Variants in RASGRP3 observed in about 807,000 individuals in gnomAD.
RASGRP3 encodes the protein RAS guanyl releasing protein 3, also known as ras guanyl-releasing protein 3.
In RASGRP3, 54 loss-of-function variants were observed where a neutral mutation model predicts 82.7. That is an observed-to-expected ratio of 0.65 (90% CI 0.52 to 0.82). The LOEUF (loss-of-function observed/expected upper bound fraction) is 0.82, where lower values mean the gene tolerates loss of function less well. Ranked by LOEUF, RASGRP3 falls within the 40% of genes least tolerant of loss-of-function variation. The pLI is 0.00. For synonymous variants in RASGRP3, 309 were observed against 300.5 expected (o/e 1.03, Z -0.29); for missense variants, 861 against 828.9 (o/e 1.04, Z -0.48).
In RASGRP3 at chr2:33,527,415, G is replaced by T; in HGVS notation, c.1083+3G>T. On this transcript the variant is annotated splice_donor_region_variant and intron_variant, in intron 10 of 17. Transcript: ENST00000403687. Reference sequence around the variant, plus strand: ...TGGATTTGATCAACCTGCTCACGGTGAGTTCCAAGGAGCCAAGTTTGGGCT... The same window carrying T: ...TGGATTTGATCAACCTGCTCACGGTTAGTTCCAAGGAGCCAAGTTTGGGCT... The T allele has an allele frequency of 6.2e-7, 1 of 1,605,064 alleles. No homozygotes were observed. Among genetic ancestry groups the T allele is most frequent in the South Asian group, 1.1e-5 (1 of 90,540 alleles).
intron 1 of RASGRP3, among the ~76,000 whole-genome samples, chr2:33,485,739 C>T (rs951338177): frequency 5.9e-5 from 9 of 152,160 alleles, no homozygotes; most frequent in African/African-American, 1.7e-4. Context: ...TAAAATATCT[C>T]GTGCTATTTT....
At chr2:33,459,838 C>T (rs1005210082) in intron 2 of RASGRP3, among the ~76,000 whole-genome samples, 6 of 152,144 alleles carry the variant, frequency 3.9e-5, no homozygotes, top group African/African-American at 1.4e-4. Flanking sequence ...TTGACTGGAA[C>T]AAGCAATAAA....
rs868603453 is a variant in RASGRP3, at chr2:33,556,522, C to T, written c.1579+955C>T. On this transcript the variant is annotated intron_variant, in intron 15 of 17. Transcript: ENST00000403687. Reference sequence around the variant, plus strand: ...TCGGCCTCCCAAAGTGCTGGGATTACAGGCGTGAGCCACCGCGCCCGGCCT... The same window carrying T: ...TCGGCCTCCCAAAGTGCTGGGATTATAGGCGTGAGCCACCGCGCCCGGCCT... 3.5e-4 allele frequency among the ~76,000 whole-genome samples: 31 copies of T among 88,578 alleles called. 6 individuals carry two copies. Among genetic ancestry groups the T allele is most frequent in the Middle Eastern group, 9.3e-3 (2 of 216 alleles). The allele number at this position is 88,578 out of a possible 152,430, so 58.1% of individuals were successfully genotyped here.
intron 9 of RASGRP3, 103 bp from the exon 10 acceptor site, chr2:33,527,034 C>A: frequency 1.6e-6 from 2 of 1,238,522 alleles, no homozygotes; most frequent in Non-Finnish European, 2.2e-6. Context: ...GCAAGTGATA[C>A]TTTTCTCAGT....
chr2:33,496,248 G>C (rs74754535), intron 1 of RASGRP3, among the ~76,000 whole-genome samples: 3,429 of 152,290 alleles, frequency 0.023, 117 homozygotes, highest in East Asian at 0.13. Flanking sequence ...AGAGAAAAAA[G>C]TTTAAAAAGC....
At chr2:33,444,250 G>C (rs1186632489) in intron 1 of RASGRP3, among the ~76,000 whole-genome samples, 1 of 151,894 alleles carries the variant, frequency 6.6e-6, no homozygotes, top group East Asian at 1.9e-4. Flanking sequence ...AGGATGCAGT[G>C]AACTATGATT....
intron 14 of RASGRP3, among the ~76,000 whole-genome samples, chr2:33,551,470 T>C (rs1356857583): frequency 1.3e-5 from 2 of 152,010 alleles, no homozygotes; most frequent in Non-Finnish European, 2.9e-5. Flanking sequence ...TGCTGGGCCA[T>C]GGTATGGCTC....
intron 1 of RASGRP3, among the ~76,000 whole-genome samples, chr2:33,480,910 C>T (rs955359672): frequency 6.6e-6 from 1 of 152,084 alleles, no homozygotes; most frequent in African/African-American, 2.4e-5. Context: ...TCTTTGAGCT[C>T]ATCTTTGGTA....
At chr2:33,507,521 G>C (rs1274497868) in intron 1 of RASGRP3, among the ~76,000 whole-genome samples, 1 of 152,136 alleles carries the variant, frequency 6.6e-6, no homozygotes, top group Non-Finnish European at 1.5e-5. Context: ...CAAGTCAAAG[G>C]ATGGGAGAGA....
intron 2 of RASGRP3, among the ~76,000 whole-genome samples, chr2:33,464,118 T>TTATTATTATTA (rs1666545281): frequency 2.1e-5 from 3 of 146,176 alleles, no homozygotes; most frequent in African/African-American, 7.5e-5. Context: ...ATAATTATTA[T>TTATTATTATTA]TATTATTATT....
At chr2:33,451,034 G>T (rs1371320955) in intron 2 of RASGRP3, among the ~76,000 whole-genome samples, 1 of 150,482 alleles carries the variant, frequency 6.6e-6, no homozygotes, top group Non-Finnish European at 1.5e-5. Flanking sequence ...GTAGAGACAG[G>T]GCTTCACCGT....
rs527359708 is a variant in RASGRP3, at chr2:33,454,208, GTCT to G, written c.-261+6275_-261+6277del. 7.2e-4 allele frequency among the ~76,000 whole-genome samples: 110 copies of G among 151,978 alleles called. 1 individual carries two copies. Among genetic ancestry groups the G allele is most frequent in the Admixed American group, 2.1e-3 (32 of 15,256 alleles). ...GGATTGAAATGGCTGTATTTTCACT[GTCT>G]TCTTCTTCTACTTTTTAAGTAAAGT... On this transcript the variant is annotated intron_variant, in intron 2 of 18. Coordinates refer to the RASGRP3 transcript ENST00000402538.
In RASGRP3 at chr2:33,555,567, G is replaced by C; in HGVS notation, c.1579G>C (p.Asp527His). 1 of 1,589,972 alleles carries C rather than the reference G, an allele frequency of 6.3e-7. No individual in the cohort carries two copies. The highest frequency in any genetic ancestry group is 8.6e-7 in the Non-Finnish European group (1 of 1,162,136). The change falls in exon 15 of 18, where the codon GAC becomes CAC. Residue 527 changes from aspartate to histidine, a missense_variant and splice_region_variant. Coordinates refer to ENST00000403687, the MANE Select transcript of RASGRP3 (RefSeq NM_001139488.2). Reference sequence around the variant, plus strand: ...AATCAAGCAAGGATACAAATGCAAAGGTAAATCAATGTTATTTTGTTACAA... The same window carrying C: ...AATCAAGCAAGGATACAAATGCAAACGTAAATCAATGTTATTTTGTTACAA... ...GIIKQGYKCK[D>H]CGANCHKQCK...
intron 17 of RASGRP3, among the ~76,000 whole-genome samples, chr2:33,561,770 C>T (rs1676685058): frequency 6.6e-6 from 1 of 152,112 alleles, no homozygotes; most frequent in Non-Finnish European, 1.5e-5. Context: ...GTATTTCCTC[C>T]AACGGAGTTC....
chr2:33,523,900 G>A lies in RASGRP3; in HGVS notation c.538G>A (p.Val180Ile). 6.2e-7 allele frequency: 1 copy of A among 1,612,696 alleles called. No homozygotes were observed. Among genetic ancestry groups the A allele is most frequent in the Non-Finnish European group, 8.5e-7 (1 of 1,179,130 alleles). ...CTAGTTCACTGATTACCAAAGCTATGTCATCCATGGCTGCCTGGAGAATAA... is the reference window on the plus strand; with the variant it reads ...CTAGTTCACTGATTACCAAAGCTATATCATCCATGGCTGCCTGGAGAATAA... ...RISFTDYQSY[V>I]IHGCLENNPT... Residue 180 changes from valine to isoleucine, a missense_variant, in exon 8 of 18, where the codon GTC (valine) becomes ATC (isoleucine). Val to Ile is a conservative substitution (Grantham distance 29, BLOSUM62 3). Coordinates refer to ENST00000403687, the MANE Select transcript of RASGRP3 (RefSeq NM_001139488.2).
chr2:33,506,498 T>C (rs1311888749), intron 1 of RASGRP3, among the ~76,000 whole-genome samples: 3 of 152,188 alleles, frequency 2.0e-5, no homozygotes, highest in Non-Finnish European at 1.5e-5. Context: ...TTCCCAACAT[T>C]ATATCTGTCA....
chr2:33,522,448 G>GA (rs1296041898), intron 7 of RASGRP3, among the ~76,000 whole-genome samples: 2 of 152,104 alleles, frequency 1.3e-5, no homozygotes, highest in South Asian at 4.1e-4. Flanking sequence ...TCGTTTTTGG[G>GA]AAAAAATATT....
chr2:33,459,296 T>G (rs950068864), intron 2 of RASGRP3, among the ~76,000 whole-genome samples: 3 of 151,524 alleles, frequency 2.0e-5, no homozygotes, highest in African/African-American at 4.9e-5. Flanking sequence ...CACCACGCCC[T>G]GCTAATTTTT....
upstream of RASGRP3, among the ~76,000 whole-genome samples, chr2:33,472,464 A>G (rs1558414014): frequency 6.6e-6 from 1 of 152,314 alleles, no homozygotes; most frequent in East Asian, 1.9e-4. Context: ...GTGATTAATT[A>G]GGAAATCACC....
Sources: gnomAD v4.1 joint callset for allele counts (sites outside exome capture counted in the v4.1 genomes callset) on GRCh38, gnomAD v4.1.1 for gene constraint, MANE v1.5 for transcripts, NCBI Gene and HGNC (gene_info 2026-07-23, HGNC 2026-07-21) for gene names.